Variants in GRID2 observed in about 807,000 individuals in gnomAD.
GRID2 encodes glutamate receptor ionotropic, delta-2.
GRID2 carries 33 observed loss-of-function variants against 114.8 expected under a neutral mutation model. The observed-to-expected ratio is 0.29, with a 90% confidence interval of 0.22 to 0.38. The LOEUF (loss-of-function observed/expected upper bound fraction) is 0.38. Ranked by LOEUF, GRID2 falls within the 10% of genes least tolerant of loss-of-function variation. The probability of loss-of-function intolerance (pLI) is 1.00; values close to 1 mark genes in which losing one functional copy is unlikely to be tolerated. For missense variants in GRID2, 1,184 were observed against 1,257.7 expected, an observed-to-expected ratio of 0.94 and a Z score of 0.89; for synonymous variants, 505 against 449.9, an observed-to-expected ratio of 1.12 and a Z score of -1.55.
intron 3 of GRID2, among the ~76,000 whole-genome samples, chr4:93,095,248 T>C (rs2149333648): frequency 6.6e-6 from 1 of 152,150 alleles, no homozygotes; most frequent in Admixed American, 6.6e-5. Context: ...CTACATTAGG[T>C]ATTTCTCCTA....
At chr4:92,305,350 C>T (rs1010271813) in intron 1 of GRID2, among the ~76,000 whole-genome samples, 6 of 152,162 alleles carry the variant, frequency 3.9e-5, no homozygotes, top group Non-Finnish European at 7.4e-5. Context: ...GAGACGGTGG[C>T]AGGAGGGGCT....
chr4:93,143,341 TTCC>T (rs1214578726), intron 4 of GRID2, among the ~76,000 whole-genome samples: 1 of 152,198 alleles, frequency 6.6e-6, no homozygotes, highest in Non-Finnish European at 1.5e-5. Flanking sequence ...ATATAACAGT[TTCC>T]ATGAAAATCA....
At chr4:93,611,939 T>G (rs918114447) in intron 13 of GRID2, among the ~76,000 whole-genome samples, 7 of 148,466 alleles carry the variant, frequency 4.7e-5, no homozygotes, top group African/African-American at 7.4e-5. Flanking sequence ...ATTATTAATG[T>G]GTGGGAGTCT....
intron 2 of GRID2, among the ~76,000 whole-genome samples, chr4:92,690,703 A>G (rs898155012): frequency 3.9e-5 from 6 of 152,174 alleles, no homozygotes; most frequent in Non-Finnish European, 7.3e-5. Context: ...ATATCCTGAA[A>G]ACTGAGGCAC....
chr4:92,967,055 C>T (rs1160897704), intron 2 of GRID2, among the ~76,000 whole-genome samples: 1 of 151,822 alleles, frequency 6.6e-6, no homozygotes, highest in Non-Finnish European at 1.5e-5. Context: ...CCTAGGCAGC[C>T]TAATTACAAG....
chr4:93,378,621 G>T (rs1489572210), intron 8 of GRID2, among the ~76,000 whole-genome samples: 1 of 151,998 alleles, frequency 6.6e-6, no homozygotes, highest in Non-Finnish European at 1.5e-5. Context: ...TATTTAAGTG[G>T]ATATTTATTA....
chr4:92,777,089 C>T (rs1468518000), intron 2 of GRID2, among the ~76,000 whole-genome samples: 2 of 151,588 alleles, frequency 1.3e-5, no homozygotes, highest in Non-Finnish European at 2.9e-5. Context: ...TATGTAAAGA[C>T]TAGATAATTC....
At chr4:93,527,750 G>A (rs748391763) in intron 13 of GRID2, among the ~76,000 whole-genome samples, 14 of 151,968 alleles carry the variant, frequency 9.2e-5, no homozygotes, top group Non-Finnish European at 1.3e-4. Flanking sequence ...CATTTTAGGT[G>A]TACAGTTTAG....
chr4:93,444,021 T>A (rs1021155464), intron 10 of GRID2, among the ~76,000 whole-genome samples: 1 of 151,670 alleles, frequency 6.6e-6, no homozygotes, highest in Non-Finnish European at 1.5e-5. Context: ...TATCAAGAAG[T>A]TTATATTGAA....
At position 93,615,406 on chromosome 4, in the gene GRID2, T is replaced by C. The variant is rs546831877; in HGVS notation, c.2194-10863T>C. Reference sequence around the variant, plus strand: ...AAGAGTAATTTGAATTTTGTGAAATTGGTGCTAGATTCTAAAGTTACAGTT... The same window carrying C: ...AAGAGTAATTTGAATTTTGTGAAATCGGTGCTAGATTCTAAAGTTACAGTT... On this transcript the variant is annotated intron_variant, in intron 13 of 15. Transcript: ENST00000282020. Among the ~76,000 whole-genome samples the C allele has an allele frequency of 1.2e-4, 18 of 152,312 alleles. 1 individual carries two copies. The highest frequency in any genetic ancestry group is 4.3e-4 in the African/African-American group (18 of 41,574).
At chr4:92,340,278 G>T (rs1560575628) in intron 1 of GRID2, among the ~76,000 whole-genome samples, 1 of 151,972 alleles carries the variant, frequency 6.6e-6, no homozygotes, top group Non-Finnish European at 1.5e-5. Context: ...TCAAATTTCT[G>T]AAACCAAAAA....
intron 2 of GRID2, among the ~76,000 whole-genome samples, chr4:92,905,128 A>C (rs1046497379): frequency 6.6e-6 from 1 of 152,004 alleles, no homozygotes; most frequent in Admixed American, 6.6e-5. Context: ...TTAAGAAATG[A>C]TATTTATTTC....
chr4:92,381,900 T>C (rs953329569), intron 1 of GRID2, among the ~76,000 whole-genome samples: 1 of 151,934 alleles, frequency 6.6e-6, no homozygotes, highest in Non-Finnish European at 1.5e-5. Flanking sequence ...CCACAGGAAA[T>C]GATAAAGACA....
chr4:93,307,447 A>G (rs559041159), intron 8 of GRID2, among the ~76,000 whole-genome samples: 9 of 151,980 alleles, frequency 5.9e-5, no homozygotes, highest in Non-Finnish European at 1.3e-4. Context: ...TAGAATGTAT[A>G]GTAGCTCACA....
chr4:93,684,701 G>C (rs1311573534), intron 14 of GRID2, among the ~76,000 whole-genome samples: 1 of 151,948 alleles, frequency 6.6e-6, no homozygotes, highest in Non-Finnish European at 1.5e-5. Flanking sequence ...AACAGGCCAG[G>C]GTGATCAGAT....
intron 8 of GRID2, among the ~76,000 whole-genome samples, chr4:93,296,685 A>C (rs1754346469): frequency 6.6e-6 from 1 of 152,192 alleles, no homozygotes; most frequent in Non-Finnish European, 1.5e-5. Flanking sequence ...GTTTAACCAA[A>C]CCACTTATGG....
intron 11 of GRID2, among the ~76,000 whole-genome samples, chr4:93,471,474 A>C (rs768391920): frequency 6.6e-6 from 1 of 152,180 alleles, no homozygotes; most frequent in East Asian, 1.9e-4. Flanking sequence ...CTGAAGACTC[A>C]AATGAAGCTT....
chr4:92,515,916 G>A (rs1724479265), intron 1 of GRID2, among the ~76,000 whole-genome samples: 1 of 151,936 alleles, frequency 6.6e-6, no homozygotes, highest in Non-Finnish European at 1.5e-5. Flanking sequence ...TACATAGAAA[G>A]TAGATTTTTT....
rs534198478 is a variant in GRID2, at chr4:93,475,594, C to T, written c.1859-15045C>T. Among the ~76,000 whole-genome samples, 49 of 152,042 alleles carry T rather than the reference C, an allele frequency of 3.2e-4. 1 individual carries two copies. The highest frequency in any genetic ancestry group is 3.2e-3 in the Middle Eastern group (1 of 316). On this transcript the variant is annotated intron_variant, in intron 11 of 15. Coordinates refer to ENST00000282020, the MANE Select transcript of GRID2 (RefSeq NM_001510.4). Reference sequence around the variant, plus strand: ...TTGAAAATGTATTGGCATTCTCTGACCTTTTAGAACTAATGACATACTTAT... The same window carrying T: ...TTGAAAATGTATTGGCATTCTCTGATCTTTTAGAACTAATGACATACTTAT...
Sources: gnomAD v4.1 joint callset for allele counts (sites outside exome capture counted in the v4.1 genomes callset) on GRCh38, gnomAD v4.1.1 for gene constraint, MANE v1.5 for transcripts, NCBI Gene and HGNC (gene_info 2026-07-23, HGNC 2026-07-21) for gene names.